AMBRA1: variants seen among roughly 807,000 people sequenced by gnomAD.
AMBRA1 encodes the protein activating molecule in BECN1-regulated autophagy protein 1.
Under a neutral mutation model 125.4 loss-of-function variants are expected in AMBRA1, and 47 were observed. That is an observed-to-expected ratio of 0.37 (90% CI 0.30 to 0.48). The LOEUF (loss-of-function observed/expected upper bound fraction) is 0.48, where lower values mean the gene tolerates loss of function less well. Ranked by LOEUF, AMBRA1 falls within the 20% of genes least tolerant of loss-of-function variation. AMBRA1 has a pLI of 0.99. For synonymous variants in AMBRA1, 626 were observed against 655.5 expected, an observed-to-expected ratio of 0.95 and a Z score of 0.69; for missense variants, 1,331 against 1,693.4, an observed-to-expected ratio of 0.79 and a Z score of 3.76.
At chr11:46,527,477 C>CAAAAAAA (rs59904013) in intron 7 of AMBRA1, among the ~76,000 whole-genome samples, 5 of 25,940 alleles carry the variant, frequency 1.9e-4, no homozygotes, top group African/African-American at 7.9e-4. Context: ...GAGACTGTCT[C>CAAAAAAA]AAAAAAAAAA....
At chr11:46,547,914 T>C (rs1435328879) in intron 2 of AMBRA1, 39 bp from the exon 3 acceptor site, 14 of 1,569,694 alleles carry the variant, frequency 8.9e-6, no homozygotes, top group African/African-American at 2.7e-5. Context: ...AAATACATGA[T>C]TTGTAGACCA....
chr11:46,512,984 T>C (rs536921196), intron 7 of AMBRA1, among the ~76,000 whole-genome samples, 171 bp from the exon 8 acceptor site: 1 of 152,302 alleles, frequency 6.6e-6, no homozygotes, highest in South Asian at 2.1e-4. Flanking sequence ...CACAAATAAA[T>C]GAAGAGCTGC....
At chr11:46,538,282 A>G (rs1952573435) in intron 7 of AMBRA1, among the ~76,000 whole-genome samples, 1 of 152,220 alleles carries the variant, frequency 6.6e-6, no homozygotes, top group Non-Finnish European at 1.5e-5. Context: ...CTACTGTATT[A>G]ATATACTATC....
At position 46,397,753 on chromosome 11, in the gene AMBRA1, A is replaced by C; in HGVS notation, c.3594T>G (p.Pro1198=). 3 of 1,612,666 alleles carry C rather than the reference A, an allele frequency of 1.9e-6. No individual in the cohort carries two copies. Among genetic ancestry groups the C allele is most frequent in the Non-Finnish European group, 2.5e-6 (3 of 1,179,992 alleles). Residue 1198 remains proline (P), a synonymous_variant, in exon 18 of 18, where the codon CCT becomes CCG. Transcript: ENST00000683756. ...IHRSSQTGTE[P]GAAHTSSPQP... ...GGGGTGAGGAGGTGTGGGCGGCACC[A>C]GGTTCAGTGCCCGTCTGAGAGCTGC...
chr11:46,423,583 G>A (rs1013576899), intron 14 of AMBRA1, among the ~76,000 whole-genome samples: 4 of 151,526 alleles, frequency 2.6e-5, no homozygotes, highest in African/African-American at 9.7e-5. Flanking sequence ...AGTAGAGACG[G>A]GGTTTCACCG....
At chr11:46,420,667 T>C (rs1396850673) in intron 14 of AMBRA1, among the ~76,000 whole-genome samples, 1 of 152,194 alleles carries the variant, frequency 6.6e-6, no homozygotes, top group Non-Finnish European at 1.5e-5. Flanking sequence ...TTAATCTGTT[T>C]AGTTTTCCTT....
chr11:46,585,848 C>G (rs976331266), intron 1 of AMBRA1, among the ~76,000 whole-genome samples: 1 of 148,614 alleles, frequency 6.7e-6, no homozygotes, highest in African/African-American at 2.5e-5. Flanking sequence ...TCTTGTTGCC[C>G]AGGCTGGAGT....
intron 1 of AMBRA1, among the ~76,000 whole-genome samples, chr11:46,569,886 A>G (rs71474185): frequency 0.03 from 4,492 of 152,148 alleles, 79 homozygotes; most frequent in Non-Finnish European, 0.044. Flanking sequence ...ACTTGAACCC[A>G]GAAGGCGGAG....
chr11:46,535,190 C>A lies in AMBRA1; in HGVS notation c.2072+6755G>T, dbSNP rs1228680983. Reference sequence around the variant, plus strand: ...TTCTTTCCTATTTGTCCTTAAATGCCGAACTTCTAACTAAGAAGAACTCAG... The same window carrying A: ...TTCTTTCCTATTTGTCCTTAAATGCAGAACTTCTAACTAAGAAGAACTCAG... On this transcript the variant is annotated intron_variant, in intron 7 of 17. Coordinates refer to ENST00000683756, the MANE Select transcript of AMBRA1 (RefSeq NM_001387011.1). Among the ~76,000 whole-genome samples the A allele has an allele frequency of 2.6e-5, 4 of 152,124 alleles. No homozygotes were observed. The East Asian group carries it at 7.7e-4, about 29-fold the overall frequency.
chr11:46,559,774 G>A (rs1439984184), intron 1 of AMBRA1, among the ~76,000 whole-genome samples: 2 of 152,074 alleles, frequency 1.3e-5, no homozygotes, highest in Non-Finnish European at 2.9e-5. Context: ...TTTTATCGCT[G>A]GCTTGTTATA....
chr11:46,587,118 G>A (rs891801632), intron 1 of AMBRA1, among the ~76,000 whole-genome samples: 1 of 152,082 alleles, frequency 6.6e-6, no homozygotes, highest in Non-Finnish European at 1.5e-5. Context: ...AGTGGCTCCC[G>A]CCTATAATCC....
chr11:46,412,013 AC>A (rs1217444084), intron 15 of AMBRA1, among the ~76,000 whole-genome samples: 2 of 152,068 alleles, frequency 1.3e-5, no homozygotes, highest in Non-Finnish European at 2.9e-5. Context: ...CCACAGCCAA[AC>A]AAAAGTGCTC....
chr11:46,427,315 A>G (rs1354024737), intron 14 of AMBRA1, among the ~76,000 whole-genome samples: 2 of 152,202 alleles, frequency 1.3e-5, no homozygotes, highest in Non-Finnish European at 2.9e-5. Context: ...AATGAACTTG[A>G]TCAGCAGCAG....
chr11:46,535,220 T>C (rs1055828964), intron 7 of AMBRA1, among the ~76,000 whole-genome samples: 1 of 152,212 alleles, frequency 6.6e-6, no homozygotes, highest in African/African-American at 2.4e-5. Context: ...ACTCAGAAGT[T>C]AGAAAGCGTT....
chr11:46,550,670 C>A (rs2042964303), intron 1 of AMBRA1, among the ~76,000 whole-genome samples: 1 of 152,034 alleles, frequency 6.6e-6, no homozygotes, highest in African/African-American at 2.4e-5. Flanking sequence ...AAAATTGGTG[C>A]AGAGTAGTTA....
chr11:46,576,237 T>C (rs976008292), intron 1 of AMBRA1, among the ~76,000 whole-genome samples: 1 of 152,218 alleles, frequency 6.6e-6, no homozygotes, highest in Admixed American at 6.5e-5. Flanking sequence ...CTGCTCTCTA[T>C]TGATTACTGC....
intron 7 of AMBRA1, among the ~76,000 whole-genome samples, chr11:46,519,670 C>T (rs61882722): frequency 0.021 from 3,168 of 152,252 alleles, 50 homozygotes; most frequent in Non-Finnish European, 0.033. Flanking sequence ...TATTTCCATC[C>T]GGGAGCACCA....
chr11:46,531,530 C>T lies in AMBRA1; in HGVS notation c.2072+10415G>A, dbSNP rs1216152454. Among the ~76,000 whole-genome samples the T allele has an allele frequency of 4.0e-5, 6 of 151,446 alleles. No individual in the cohort carries two copies. The East Asian group carries it at 6.0e-4, about 15-fold the overall frequency. ...TTCAAGACCAGCCCAGCCAATATGG[C>T]GAAACCCTGTCTCTACTAAAAATAC... On this transcript the variant is annotated intron_variant, in intron 7 of 17. Transcript: ENST00000683756.
intron 14 of AMBRA1, chr11:46,428,877 C>T: frequency 1.2e-6 from 2 of 1,611,846 alleles, no homozygotes; most frequent in Non-Finnish European, 1.7e-6. Flanking sequence ...CGTAGGATGG[C>T]AGGCACAATC....
Sources: gnomAD v4.1 joint callset for allele counts (sites outside exome capture counted in the v4.1 genomes callset) on GRCh38, gnomAD v4.1.1 for gene constraint, MANE v1.5 for transcripts, NCBI Gene and HGNC (gene_info 2026-07-23, HGNC 2026-07-21) for gene names.